The following WDR25 variants were observed in gnomAD, a reference collection of about 807,000 sequenced individuals.
WDR25 encodes the protein WD repeat domain 25.
A neutral mutation model predicts 47.7 loss-of-function variants in WDR25; 35 were observed. The observed-to-expected ratio is 0.73, with a 90% CI of 0.56 to 0.97. The LOEUF (loss-of-function observed/expected upper bound fraction) is 0.97. Among genes scored for constraint, WDR25 ranks in the 50% least tolerant of loss-of-function variants. The pLI is 0.00. For missense variants in WDR25, 634 were observed against 704.7 expected (o/e 0.90, Z 1.14); for synonymous variants, 248 against 278.9 (o/e 0.89, Z 1.10).
At chr14:100,464,696 C>CT (rs1899548597) in intron 2 of WDR25, among the ~76,000 whole-genome samples, 1 of 147,002 alleles carries the variant, frequency 6.8e-6, no homozygotes, top group African/African-American at 2.6e-5. Context: ...CTCCCCTCCC[C>CT]ATCTCATCCT....
rs1163769662 is a variant in WDR25 at position 100,407,896 on chromosome 14, C to T, written c.822+26150C>T. Among the ~76,000 whole-genome samples the T allele has an allele frequency of 6.6e-6, 1 of 152,122 alleles. No homozygotes were observed. The highest frequency in any genetic ancestry group is 1.5e-5 in the Non-Finnish European group (1 of 68,016). On this transcript the variant is annotated intron_variant, in intron 2 of 6. Transcript: ENST00000402312. The surrounding 1 kb of genome is among the most constrained non-coding windows in gnomAD (Gnocchi z 4.1). Reference sequence around the variant, plus strand: ...GCTGGGCTCCCAGACACATATGTCACAGTGAGCTGTGGGAATGACCCTTGA... The same window carrying T: ...GCTGGGCTCCCAGACACATATGTCATAGTGAGCTGTGGGAATGACCCTTGA...
chr14:100,457,199 C>T (rs1389130474), intron 2 of WDR25, among the ~76,000 whole-genome samples: 1 of 152,170 alleles, frequency 6.6e-6, no homozygotes, highest in Non-Finnish European at 1.5e-5. Context: ...AAGTGATACA[C>T]CCACCTTGGC....
chr14:100,433,755 A>G (rs1239149200), intron 2 of WDR25, among the ~76,000 whole-genome samples: 1 of 152,158 alleles, frequency 6.6e-6, no homozygotes, highest in Non-Finnish European at 1.5e-5. Context: ...ATACATTTTT[A>G]TCATTTGATA....
intron 4 of WDR25, among the ~76,000 whole-genome samples, chr14:100,490,366 C>T (rs1197783174): frequency 6.6e-6 from 1 of 152,270 alleles, no homozygotes; most frequent in Non-Finnish European, 1.5e-5. Flanking sequence ...CTTAAAATCA[C>T]AAGCAATTAT....
chr14:100,462,143 A>G (rs1899436145), intron 2 of WDR25, among the ~76,000 whole-genome samples: 1 of 152,176 alleles, frequency 6.6e-6, no homozygotes. Flanking sequence ...GGAGACTGTG[A>G]GGAACTCCTG....
At chr14:100,472,285 G>A (rs568646207) in intron 3 of WDR25, among the ~76,000 whole-genome samples, 1 of 152,324 alleles carries the variant, frequency 6.6e-6, no homozygotes, top group Middle Eastern at 3.4e-3. Flanking sequence ...TGGCTCCTCT[G>A]AGCCATCTGT....
intron 4 of WDR25, among the ~76,000 whole-genome samples, chr14:100,511,464 T>C (rs1195916621): frequency 6.6e-6 from 1 of 152,226 alleles, no homozygotes; most frequent in African/African-American, 2.4e-5. Flanking sequence ...TCATGTTGTC[T>C]GTTAATAAAG....
chr14:100,508,423 A>G (rs1021340085), intron 4 of WDR25, among the ~76,000 whole-genome samples: 3 of 152,180 alleles, frequency 2.0e-5, no homozygotes, highest in African/African-American at 7.2e-5. Context: ...AGTCCTAGCC[A>G]GAACAATCAG....
chr14:100,388,134 T>C (rs954384034), intron 2 of WDR25, among the ~76,000 whole-genome samples: 6 of 151,706 alleles, frequency 4.0e-5, no homozygotes, highest in Admixed American at 1.3e-4. Flanking sequence ...GAGTGAGGAG[T>C]TGTGGAGCAT....
At position 100,425,845 on chromosome 14, in the gene WDR25, T is replaced by C. The variant is rs1011846689; in HGVS notation, c.823-42176T>C. Among the ~76,000 whole-genome samples, 6 of 152,290 alleles carry C rather than the reference T, an allele frequency of 3.9e-5. No individual in the cohort carries two copies. The highest frequency in any genetic ancestry group is 3.4e-3 in the Middle Eastern group (1 of 294). On this transcript the variant is annotated intron_variant, in intron 2 of 6. Coordinates refer to ENST00000402312, the MANE Select transcript of WDR25 (RefSeq NM_001161476.3). The surrounding 1 kb of genome is among the most constrained non-coding windows in gnomAD (Gnocchi z 4.8). The stretch of plus-strand genomic sequence containing the variant: ...TTCAGCTTGGTTTCAGGCACAGATA[T>C]GCAGCCAGGGAAATCACCTGGGGCA...
chr14:100,490,724 G>A lies in WDR25; in HGVS notation c.1101+6600G>A, dbSNP rs548843058. ...GGCTTCTGCCCCAGTGGGTGAGACTGTCTTTGAGATTTGCACTCCTGTGAT... is the reference window on the plus strand; with the variant it reads ...GGCTTCTGCCCCAGTGGGTGAGACTATCTTTGAGATTTGCACTCCTGTGAT... On this transcript the variant is annotated intron_variant, in intron 4 of 6. Coordinates refer to ENST00000402312, the MANE Select transcript of WDR25 (RefSeq NM_001161476.3). Among the ~76,000 whole-genome samples the A allele has an allele frequency of 2.3e-4, 35 of 152,312 alleles. No homozygotes were observed. In the South Asian group the frequency reaches 6.6e-3, roughly 29 times the overall value.
In WDR25 at chr14:100,517,525, T is replaced by C. The variant is rs181883537; in HGVS notation, c.1102-8345T>C. On this transcript the variant is annotated intron_variant, in intron 4 of 6. Coordinates refer to ENST00000402312, the MANE Select transcript of WDR25 (RefSeq NM_001161476.3). ...TTTTCACAATTCTACTTATTGTTAATATTTTACCACTTCAAGTAAAACATA... is the reference window on the plus strand; with the variant it reads ...TTTTCACAATTCTACTTATTGTTAACATTTTACCACTTCAAGTAAAACATA... Among the ~76,000 whole-genome samples, 27 of 152,340 alleles carry C rather than the reference T, an allele frequency of 1.8e-4. No individual in the cohort carries two copies. In the East Asian group the frequency reaches 5.2e-3, roughly 29 times the overall value.
At chr14:100,410,929 T>C (rs1897690308) in intron 2 of WDR25, among the ~76,000 whole-genome samples, 1 of 151,760 alleles carries the variant, frequency 6.6e-6, no homozygotes, top group Non-Finnish European at 1.5e-5. Flanking sequence ...ACTACAGGTG[T>C]GCACCACCAC....
intron 4 of WDR25, among the ~76,000 whole-genome samples, chr14:100,510,744 A>G (rs1159007219): frequency 6.9e-6 from 1 of 144,594 alleles, no homozygotes; most frequent in East Asian, 1.9e-4. Context: ...TCAAAATAAT[A>G]ATAATAATAA....
At chr14:100,510,769 A>T (rs865839644) in intron 4 of WDR25, among the ~76,000 whole-genome samples, 20 of 142,972 alleles carry the variant, frequency 1.4e-4, no homozygotes, top group South Asian at 6.7e-4. Context: ...AATAATGTAA[A>T]TTTTTTTTTT....
chr14:100,492,793 T>C (rs1900608851), intron 4 of WDR25, among the ~76,000 whole-genome samples: 3 of 152,338 alleles, frequency 2.0e-5, no homozygotes, highest in Admixed American at 1.3e-4. Context: ...TAGTTATTTT[T>C]TTGTCTTAAT....
chr14:100,503,343 G>A (rs775002542), intron 4 of WDR25, among the ~76,000 whole-genome samples: 4 of 152,176 alleles, frequency 2.6e-5, no homozygotes, highest in Admixed American at 2.0e-4. Flanking sequence ...CCCCCCGCAT[G>A]TGGTTATTAA....
intron 2 of WDR25, among the ~76,000 whole-genome samples, chr14:100,447,731 A>G (rs1898884824): frequency 6.6e-6 from 1 of 152,154 alleles, no homozygotes; most frequent in Non-Finnish European, 1.5e-5. Flanking sequence ...GATTGAGGTA[A>G]TGTATTTCCC....
intron 2 of WDR25, among the ~76,000 whole-genome samples, chr14:100,389,973 TC>T (rs1276698759): frequency 6.6e-6 from 1 of 152,248 alleles, no homozygotes; most frequent in Non-Finnish European, 1.5e-5. Flanking sequence ...ATTGAGCGTC[TC>T]GGTTTCTCCT....
Sources: allele counts gnomAD v4.1 joint callset (sites outside exome capture counted in the v4.1 genomes callset), GRCh38; gene constraint gnomAD v4.1.1; non-coding constraint Gnocchi (gnomAD v3.1); transcripts MANE v1.5; gene names NCBI Gene and HGNC (gene_info 2026-07-23, HGNC 2026-07-21).